The following TMTC2 variants were observed in gnomAD, a reference collection of about 807,000 sequenced individuals.
The protein encoded by TMTC2 is protein O-mannosyl-transferase TMTC2.
Under a neutral mutation model 82.4 loss-of-function variants are expected in TMTC2, and 43 were observed. The observed-to-expected ratio is 0.52, with a 90% CI of 0.41 to 0.67. The LOEUF is 0.67. Ranked by LOEUF, TMTC2 falls within the 30% of genes least tolerant of loss-of-function variation. TMTC2 has a pLI of 0.00. For synonymous variants in TMTC2, 408 were observed against 381.9 expected (o/e 1.07, Z -0.80); for missense variants, 919 against 1,012.4 (o/e 0.91, Z 1.25).
At chr12:83,064,204 A>G (rs1250595827) in intron 11 of TMTC2, among the ~76,000 whole-genome samples, 1 of 151,886 alleles carries the variant, frequency 6.6e-6, no homozygotes, top group Non-Finnish European at 1.5e-5. Flanking sequence ...GAGAAGAACT[A>G]CCTGAGCTAT....
intron 3 of TMTC2, among the ~76,000 whole-genome samples, chr12:82,910,704 G>T (rs1670679179): frequency 6.6e-6 from 1 of 152,106 alleles, no homozygotes; most frequent in Non-Finnish European, 1.5e-5. Context: ...TCCCCAGCCT[G>T]GGCTCTCCTC....
At chr12:82,801,852 T>C (rs1454462704) in intron 1 of TMTC2, among the ~76,000 whole-genome samples, 1 of 152,106 alleles carries the variant, frequency 6.6e-6, no homozygotes, top group African/African-American at 2.4e-5. Context: ...CGCAGGGTGC[T>C]GATTGGTGTG....
intron 1 of TMTC2, among the ~76,000 whole-genome samples, chr12:82,737,861 C>T (rs1875201499): frequency 6.6e-6 from 1 of 152,140 alleles, no homozygotes; most frequent in Non-Finnish European, 1.5e-5. Context: ...TGCCTAAATA[C>T]CAGTGCCCAA....
chr12:82,692,634 A>G (rs1592851607), intron 1 of TMTC2, among the ~76,000 whole-genome samples: 1 of 152,334 alleles, frequency 6.6e-6, no homozygotes, highest in South Asian at 2.1e-4. Context: ...TAACACAGCA[A>G]CTTTCATCTG....
At chr12:82,978,810 T>C (rs1037202796) in intron 7 of TMTC2, among the ~76,000 whole-genome samples, 3 of 151,824 alleles carry the variant, frequency 2.0e-5, no homozygotes, top group Non-Finnish European at 4.4e-5. Context: ...ATTATTGTAT[T>C]GGGGTCTATC....
intron 8 of TMTC2, among the ~76,000 whole-genome samples, chr12:82,997,178 C>CCCT (rs1565844746): frequency 8.1e-5 from 11 of 136,280 alleles, no homozygotes; most frequent in African/African-American, 3.0e-4. Flanking sequence ...CTCTCTCTCC[C>CCCT]ACCCCTCCCC....
chr12:82,998,799 G>A (rs763603408), intron 8 of TMTC2, among the ~76,000 whole-genome samples: 2 of 151,136 alleles, frequency 1.3e-5, no homozygotes, highest in Non-Finnish European at 3.0e-5. Flanking sequence ...ATTCCAACAT[G>A]AAAAAAAATA....
At chr12:82,937,768 A>ATATATGTGTG (rs1565818328) in intron 4 of TMTC2, among the ~76,000 whole-genome samples, 1 of 21,882 alleles carries the variant, frequency 4.6e-5, no homozygotes, top group African/African-American at 1.4e-4. Flanking sequence ...ATATATATAT[A>ATATATGTGTG]TATATATATA....
chr12:82,861,218 A>G (rs1303064967), intron 2 of TMTC2, among the ~76,000 whole-genome samples: 2 of 152,208 alleles, frequency 1.3e-5, no homozygotes, highest in African/African-American at 4.8e-5. Context: ...GGCCCACTTA[A>G]AGCTGGAAAT....
intron 10 of TMTC2, among the ~76,000 whole-genome samples, chr12:83,057,592 A>G (rs1490295474): frequency 6.6e-6 from 1 of 151,902 alleles, no homozygotes; most frequent in South Asian, 2.1e-4. Flanking sequence ...TAACATATCA[A>G]CTAGAATTAA....
chr12:82,804,013 C>A (rs1001850120), intron 1 of TMTC2, among the ~76,000 whole-genome samples: 1 of 152,076 alleles, frequency 6.6e-6, no homozygotes, highest in African/African-American at 2.4e-5. Context: ...CCTATGGATT[C>A]ATCTCCGGCA....
At chr12:83,049,624 T>C (rs1882274921) in intron 9 of TMTC2, among the ~76,000 whole-genome samples, 1 of 152,190 alleles carries the variant, frequency 6.6e-6, no homozygotes, top group South Asian at 2.1e-4. Flanking sequence ...ACAATAAACA[T>C]ATACATGCAT....
chr12:83,004,301 C>A (rs1405156945), intron 8 of TMTC2, among the ~76,000 whole-genome samples: 1 of 152,142 alleles, frequency 6.6e-6, no homozygotes, highest in Non-Finnish European at 1.5e-5. Context: ...TCCCTGGATT[C>A]TTTGGAGTGT....
At chr12:82,991,504 A>T (rs1879402011) in intron 8 of TMTC2, among the ~76,000 whole-genome samples, 1 of 152,198 alleles carries the variant, frequency 6.6e-6, no homozygotes. Flanking sequence ...ATCCTACATT[A>T]TACTTCTAAT....
At chr12:83,087,398 T>G (rs1009867844) in intron 11 of TMTC2, among the ~76,000 whole-genome samples, 2 of 152,232 alleles carry the variant, frequency 1.3e-5, no homozygotes, top group African/African-American at 4.8e-5. Context: ...GGTTGATATT[T>G]TGACCTCTTC....
chr12:82,824,536 C>T (rs1465026311), intron 1 of TMTC2, among the ~76,000 whole-genome samples: 1 of 152,034 alleles, frequency 6.6e-6, no homozygotes, highest in Non-Finnish European at 1.5e-5. Flanking sequence ...ATTTATATCA[C>T]GTCAATATAT....
chr12:82,885,093 G>A (rs1289930775), intron 2 of TMTC2, among the ~76,000 whole-genome samples: 1 of 150,578 alleles, frequency 6.6e-6, no homozygotes, highest in African/African-American at 2.4e-5. Context: ...TGTAGAGATG[G>A]GCTCTTACTT....
intron 2 of TMTC2, among the ~76,000 whole-genome samples, chr12:82,864,019 G>A (rs1871687534): frequency 6.6e-6 from 1 of 152,102 alleles, no homozygotes; most frequent in South Asian, 2.1e-4. Flanking sequence ...GTAGAACCTT[G>A]CAGGGTAAAG....
At chr12:82,738,039 C>T (rs555828772) in intron 1 of TMTC2, among the ~76,000 whole-genome samples, 50 of 152,250 alleles carry the variant, frequency 3.3e-4, no homozygotes, top group African/African-American at 1.1e-3. Flanking sequence ...ATTTACTGGG[C>T]AGCATTGAGT....
Sources: allele counts gnomAD v4.1 joint callset (sites outside exome capture counted in the v4.1 genomes callset), GRCh38; gene constraint gnomAD v4.1.1; transcripts MANE v1.5; gene names NCBI Gene and HGNC (gene_info 2026-07-23, HGNC 2026-07-21).